The following PDXDC1 variants were observed in gnomAD, a reference collection of about 807,000 sequenced individuals.
PDXDC1 encodes pyridoxal-dependent decarboxylase domain-containing protein 1.
In PDXDC1, 42 loss-of-function variants were observed where a neutral mutation model predicts 100.1. The observed-to-expected ratio is 0.42, with a 90% confidence interval of 0.33 to 0.54. The LOEUF is 0.54. Among genes scored for constraint, PDXDC1 ranks in the 20% least tolerant of loss-of-function variants. The pLI is 0.10. For synonymous variants in PDXDC1, 260 were observed against 371.7 expected (o/e 0.70, Z 3.46); for missense variants, 636 against 979.2 (o/e 0.65, Z 4.68).
At chr16:15,124,154 C>T (rs1376869674) in intron 16 of PDXDC1, among the ~76,000 whole-genome samples, 1 of 152,172 alleles carries the variant, frequency 6.6e-6, no homozygotes, top group Non-Finnish European at 1.5e-5. Flanking sequence ...ACCCAGAGGG[C>T]TTGGCCGCAT....
chr16:15,135,701 T>A, intron 16 of PDXDC1: 1 of 1,595,712 alleles, frequency 6.3e-7, no homozygotes. Context: ...CTGGTCGCCA[T>A]CCTCCAGGTT....
chr16:15,062,946 T>C (rs1046935027), intron 16 of PDXDC1, among the ~76,000 whole-genome samples: 2 of 152,200 alleles, frequency 1.3e-5, no homozygotes, highest in African/African-American at 4.8e-5. Context: ...CACTGCAGCC[T>C]TGACCTCCCA....
intron 16 of PDXDC1, among the ~76,000 whole-genome samples, chr16:15,132,465 C>T (rs1048297321): frequency 6.8e-6 from 1 of 147,402 alleles, no homozygotes; most frequent in Non-Finnish European, 1.5e-5. Context: ...AGGCACAGAA[C>T]AGCATCTTCT....
intron 16 of PDXDC1, chr16:15,133,860 G>A (rs2048225300): frequency 1.3e-6 from 2 of 1,563,498 alleles, no homozygotes; most frequent in African/African-American, 1.3e-5. Context: ...GAGGCGGCAA[G>A]AGCCCCCCAG....
chr16:15,028,916 CCTT>C lies in PDXDC1; in HGVS notation c.1245_1247del (p.Ser416del), dbSNP rs2042838505. Reference sequence around the variant, plus strand: ...AGCCGTCCCAGTGCCCAACATGACACCTTCAGGAGTCGGCCGGGAGAGGCACTC... The same window carrying C: ...AGCCGTCCCAGTGCCCAACATGACACCAGGAGTCGGCCGGGAGAGGCACTC... On this transcript the variant is annotated inframe_deletion, in exon 15 of 23. Coordinates refer to ENST00000396410, the MANE Select transcript of PDXDC1 (RefSeq NM_015027.4). 6.2e-7 allele frequency: 1 copy of C among 1,613,862 alleles called. No individual in the cohort carries two copies. Among genetic ancestry groups the C allele is most frequent in the African/African-American group, 1.3e-5 (1 of 74,962 alleles).
chr16:15,106,688 GA>G, intron 16 of PDXDC1, among the ~76,000 whole-genome samples: 1 of 141,508 alleles, frequency 7.1e-6, no homozygotes. Context: ...CTGGGAGGCG[GA>G]GGTTGCAGTG....
chr16:15,035,978 C>T, intron 22 of PDXDC1, 38 bp from the exon 23 acceptor site: 3 of 1,575,354 alleles, frequency 1.9e-6, no homozygotes, highest in Admixed American at 1.9e-5. Flanking sequence ...GAAGTATCCT[C>T]ACTGAGTTTC....
chr16:15,054,900 T>A (rs927484827), intron 16 of PDXDC1, among the ~76,000 whole-genome samples: 6 of 152,188 alleles, frequency 3.9e-5, no homozygotes, highest in African/African-American at 1.4e-4. Context: ...TCTAAATGCC[T>A]TCCCCAACCC....
chr16:15,026,977 T>A (rs1203162808), intron 14 of PDXDC1, among the ~76,000 whole-genome samples: 2 of 152,258 alleles, frequency 1.3e-5, no homozygotes, highest in Admixed American at 1.3e-4. Context: ...ACATAAAGAT[T>A]TGTGGGTCTT....
downstream of PDXDC1, among the ~76,000 whole-genome samples, chr16:15,042,416 G>T (rs1013934351): frequency 2.0e-5 from 3 of 151,864 alleles, no homozygotes; most frequent in Non-Finnish European, 4.4e-5. Flanking sequence ...TCTCGAACTC[G>T]TGACCTAAAG....
At chr16:15,081,008 A>C in intron 16 of PDXDC1, among the ~76,000 whole-genome samples, 1 of 152,114 alleles carries the variant, frequency 6.6e-6, no homozygotes, top group South Asian at 2.1e-4. Context: ...GAGTCATATA[A>C]TACACAGTCT....
At chr16:15,048,159 A>C (rs987953114) in intron 16 of PDXDC1, 2 of 1,231,156 alleles carry the variant, frequency 1.6e-6, no homozygotes, top group Non-Finnish European at 2.3e-6. Flanking sequence ...GAAAAACTAA[A>C]GATGTGGAGA....
chr16:15,036,111 C>G lies in PDXDC1; in HGVS notation c.2203C>G (p.Leu735Val). 1 of 1,614,142 alleles carries G rather than the reference C, an allele frequency of 6.2e-7. No homozygotes were observed. The highest frequency in any genetic ancestry group is 8.5e-7 in the Non-Finnish European group (1 of 1,180,024). ...TGAAGACTTAGAAAAGGTGGAGCGC[C>G]TATCCAGTGGGCCGGAGCAGATCAC... ...HIEDLEKVER[L>V]SSGPEQITLE... The change falls in exon 23 of 23, where the codon CTA becomes GTA. Residue 735 changes from leucine to valine, a missense_variant. Physicochemically the swap from Leu to Val is conservative, Grantham distance 32. Transcript: ENST00000396410.
In PDXDC1 at chr16:15,097,685, G is replaced by A. The variant is rs544268192; in HGVS notation, c.1400-41194G>A. On this transcript the variant is annotated intron_variant, in intron 16 of 16. Coordinates refer to the PDXDC1 transcript ENST00000535621. The stretch of plus-strand genomic sequence containing the variant: ...CATAATGAACACCTGTGAACATATC[G>A]CCCAATTTAAGAAGCCGAACATTAA... Among the ~76,000 whole-genome samples the A allele has an allele frequency of 6.0e-5, 9 of 150,684 alleles. No homozygotes were observed. The East Asian group carries it at 1.2e-3, about 20-fold the overall frequency.
At chr16:15,076,405 A>C (rs1347339785) in intron 16 of PDXDC1, 1 of 665,668 alleles carries the variant, frequency 1.5e-6, no homozygotes. Flanking sequence ...GCTAAATGAC[A>C]TGGCAGCAAA....
intron 16 of PDXDC1, chr16:15,047,253 C>T (rs752810062): frequency 7.0e-5 from 42 of 596,726 alleles, no homozygotes; most frequent in Non-Finnish European, 1.1e-4. Context: ...CTTGCCTGTG[C>T]CCAGCACCCA....
chr16:15,065,080 G>A (rs2044904318), intron 16 of PDXDC1: 1 of 769,072 alleles, frequency 1.3e-6, no homozygotes, highest in African/African-American at 1.8e-5. Flanking sequence ...TCAGGAGAAT[G>A]GTGTGAACCC....
intron 3 of PDXDC1, 93 bp from the exon 4 acceptor site, chr16:15,001,683 T>C: frequency 9.0e-7 from 1 of 1,111,886 alleles, no homozygotes; most frequent in Non-Finnish European, 1.3e-6. Flanking sequence ...AAAAAAAACT[T>C]GAAGCAACGC....
chr16:14,990,050 C>G, intron 1 of PDXDC1: 2 of 1,488,592 alleles, frequency 1.3e-6, no homozygotes, highest in South Asian at 1.2e-5. Context: ...GCGCGCCGGA[C>G]CCCCCAAACC....
Sources: gnomAD v4.1 joint callset for allele counts (sites outside exome capture counted in the v4.1 genomes callset) on GRCh38, gnomAD v4.1.1 for gene constraint, MANE v1.5 for transcripts, NCBI Gene and HGNC (gene_info 2026-07-23, HGNC 2026-07-21) for gene names.